The following TSGA13 variants were observed in gnomAD, a reference collection of about 807,000 sequenced individuals.
TSGA13 encodes the protein testis-specific gene 13 protein.
Under a neutral mutation model 35.1 loss-of-function variants are expected in TSGA13, and 37 were observed. The ratio of observed to expected loss-of-function variants is 1.05; its 90% CI spans 0.81 to 1.39. The LOEUF (loss-of-function observed/expected upper bound fraction) is 1.39, where lower values mean the gene tolerates loss of function less well. Ranked by LOEUF, TSGA13 falls within the 40% of genes most tolerant of loss-of-function variation. The pLI is 0.00. For synonymous variants in TSGA13, 124 were observed against 121.2 expected (o/e 1.02, Z -0.15); for missense variants, 338 against 328.5 (o/e 1.03, Z -0.22).
At chr7:130,673,482 T>G (rs1166154583) in intron 5 of TSGA13, among the ~76,000 whole-genome samples, 2 of 152,196 alleles carry the variant, frequency 1.3e-5, no homozygotes, top group African/African-American at 2.4e-5. Flanking sequence ...GATTTCACCT[T>G]TGATCAGCCA....
chr7:130,669,772 G>A (rs1437901748), intron 7 of TSGA13, among the ~76,000 whole-genome samples: 2 of 152,208 alleles, frequency 1.3e-5, no homozygotes, highest in Non-Finnish European at 2.9e-5. Flanking sequence ...ACTCCGACTT[G>A]ACTAAATGTA....
chr7:130,668,862 T>A lies in TSGA13; in HGVS notation c.*152A>T, dbSNP rs561024829. 1.9e-4 allele frequency: 263 copies of A among 1,360,862 alleles called. No homozygotes were observed. In the African/African-American group the frequency reaches 3.3e-3, roughly 17 times the overall value. 84.3% of individuals were successfully genotyped at this position (1,360,862 alleles called of 1,614,324 possible). On this transcript the variant is annotated 3_prime_UTR_variant, in exon 8 of 8. Coordinates refer to ENST00000356588, the MANE Select transcript of TSGA13 (RefSeq NM_052933.4). ...ACGCAGCCACGCCCCCTTCTCCTCTTGCGGCCCGCCGGAGACTTCGGCTCG... is the reference window on the plus strand; with the variant it reads ...ACGCAGCCACGCCCCCTTCTCCTCTAGCGGCCCGCCGGAGACTTCGGCTCG...
chr7:130,674,244 C>T (rs1796359981), intron 5 of TSGA13, among the ~76,000 whole-genome samples: 1 of 123,938 alleles, frequency 8.1e-6, no homozygotes, highest in Non-Finnish European at 1.7e-5. Context: ...GTGATCTCGG[C>T]TCACTACAAC....
chr7:130,675,238 T>A (rs1167909138), intron 5 of TSGA13, among the ~76,000 whole-genome samples: 1 of 151,832 alleles, frequency 6.6e-6, no homozygotes, highest in Admixed American at 6.6e-5. Context: ...TATATATATA[T>A]ATGTATATAT....
chr7:130,681,439 C>T (rs557718851), intron 3 of TSGA13, among the ~76,000 whole-genome samples: 1 of 152,068 alleles, frequency 6.6e-6, no homozygotes, highest in Non-Finnish European at 1.5e-5. Context: ...AAGCAAGTTT[C>T]AAAAGGGCAT....
In TSGA13 at chr7:130,685,286, G is replaced by T. The variant is rs529219247; in HGVS notation, c.-76C>A. The T allele has an allele frequency of 4.4e-6, 7 of 1,599,370 alleles. No homozygotes were observed. Among genetic ancestry groups the T allele is most frequent in the Non-Finnish European group, 6.0e-6 (7 of 1,167,818 alleles). On this transcript the variant is annotated 5_prime_UTR_variant, in exon 2 of 8. Transcript: ENST00000356588. ...AAATTCAGGTCTCTAAATAGTCCAC[G>T]TTCTGCAGGGGTTCAATTCAATCCA...
chr7:130,672,715 A>G lies in TSGA13; in HGVS notation c.530+19T>C. The G allele has an allele frequency of 6.2e-7, 1 of 1,609,182 alleles. No homozygotes were observed. The highest frequency in any genetic ancestry group is 8.5e-7 in the Non-Finnish European group (1 of 1,177,678). On this transcript the variant is annotated intron_variant, in intron 6 of 7. Coordinates refer to ENST00000356588, the MANE Select transcript of TSGA13 (RefSeq NM_052933.4). ...AAAGATAGGAAAGAAAGCAAGTACA[A>G]GAAGAAGCAAGATTTCACCTAAACC...
In TSGA13 at chr7:130,683,795, A is replaced by C; in HGVS notation, c.24-123T>G. 8 of 761,326 alleles carry C rather than the reference A, an allele frequency of 1.1e-5. No homozygotes were observed. In the South Asian group the frequency reaches 1.4e-4, roughly 14 times the overall value. The allele number at this position is 761,326 out of a possible 1,614,324, so 47.2% of individuals were successfully genotyped here. On this transcript the variant is annotated intron_variant, in intron 2 of 7. Transcript: ENST00000356588. ...TCAGACAAGTCCAATTTAGGTGATC[A>C]CATCAGTAATTGACTAAGTAGCAAA...
rs1274135010 is a variant in TSGA13, at chr7:130,679,358, A to G, written c.184T>C (p.Tyr62His). 1.9e-6 allele frequency: 3 copies of G among 1,611,048 alleles called. No individual in the cohort carries two copies. Among genetic ancestry groups the G allele is most frequent in the Admixed American group, 1.7e-5 (1 of 59,272 alleles). ...AGGGCAGTGGCCTTCAAAGGCTTATAGTACTGGGCCTGAACAGACAGAAAG... is the reference window on the plus strand; with the variant it reads ...AGGGCAGTGGCCTTCAAAGGCTTATGGTACTGGGCCTGAACAGACAGAAAG... The part of the protein sequence containing the change: ...YTVHPNLAQY[Y>H]KPLKATALQK... The change falls in exon 5 of 8, where the codon TAT (tyrosine) becomes CAT (histidine). Residue 62 changes from tyrosine (Y) to histidine (H), a missense_variant. Transcript: ENST00000356588.
chr7:130,683,725 T>A (rs1554465421), intron 2 of TSGA13, 53 bp from the exon 3 acceptor site: 3 of 1,526,680 alleles, frequency 2.0e-6, no homozygotes, highest in Non-Finnish European at 2.7e-6. Context: ...AGGCCTGGAC[T>A]TCTGCATATT....
At chr7:130,672,351 C>G (rs1010398883) in intron 6 of TSGA13, among the ~76,000 whole-genome samples, 4 of 152,164 alleles carry the variant, frequency 2.6e-5, no homozygotes, top group African/African-American at 9.7e-5. Context: ...TCTGTCCTCT[C>G]TAAACTACAC....
chr7:130,676,761 G>A (rs782703214), intron 5 of TSGA13, among the ~76,000 whole-genome samples: 4 of 152,164 alleles, frequency 2.6e-5, no homozygotes, highest in Non-Finnish European at 5.9e-5. Flanking sequence ...GGTCTCACTT[G>A]GGTAATCCCA....
intron 1 of TSGA13, among the ~76,000 whole-genome samples, 161 bp downstream of exon 1, chr7:130,686,101 C>T (rs2116336312): frequency 6.6e-6 from 1 of 152,202 alleles, no homozygotes; most frequent in East Asian, 1.9e-4. Context: ...CCTATGAAGC[C>T]CACAGGTTTA....
intron 4 of TSGA13, among the ~76,000 whole-genome samples, chr7:130,679,998 A>T (rs1378172559): frequency 6.6e-6 from 1 of 152,190 alleles, no homozygotes; most frequent in African/African-American, 2.4e-5. Context: ...AAGTTTCTAC[A>T]TGGCTAAACC....
intron 4 of TSGA13, among the ~76,000 whole-genome samples, chr7:130,679,761 C>T (rs1008209849): frequency 2.6e-5 from 4 of 152,194 alleles, no homozygotes; most frequent in South Asian, 4.1e-4. Context: ...TGGGCTCAAG[C>T]GATGCACCCA....
chr7:130,681,976 G>A (rs1247018069), intron 3 of TSGA13, among the ~76,000 whole-genome samples: 8 of 151,600 alleles, frequency 5.3e-5, no homozygotes, highest in Admixed American at 3.9e-4. Flanking sequence ...GTCTCACTGT[G>A]TCCCCCAGGC....
intron 5 of TSGA13, among the ~76,000 whole-genome samples, chr7:130,675,597 A>G (rs751798658): frequency 6.6e-6 from 1 of 152,096 alleles, no homozygotes; most frequent in African/African-American, 2.4e-5. Flanking sequence ...GTTAGCCAGG[A>G]TGGTCTCAAT....
chr7:130,677,172 G>A (rs1474492302), intron 5 of TSGA13, among the ~76,000 whole-genome samples: 2 of 152,130 alleles, frequency 1.3e-5, no homozygotes, highest in Non-Finnish European at 2.9e-5. Context: ...GATTACAGGC[G>A]TGAGCCACTG....
intron 3 of TSGA13, among the ~76,000 whole-genome samples, 194 bp from the exon 4 acceptor site, chr7:130,681,211 G>T (rs1206532911): frequency 6.6e-6 from 1 of 152,156 alleles, no homozygotes; most frequent in African/African-American, 2.4e-5. Flanking sequence ...AGGAGACCTG[G>T]ATTCTAAGAC....
Sources: allele counts gnomAD v4.1 joint callset (sites outside exome capture counted in the v4.1 genomes callset), GRCh38; gene constraint gnomAD v4.1.1; transcripts MANE v1.5; gene names NCBI Gene and HGNC (gene_info 2026-07-23, HGNC 2026-07-21).